The following FSTL5 variants were observed in gnomAD, a reference collection of about 807,000 sequenced individuals.
FSTL5 encodes follistatin like 5, also known as follistatin-related protein 5.
In FSTL5, 62 loss-of-function variants were observed where a neutral mutation model predicts 89.1. The ratio of observed to expected loss-of-function variants is 0.70; its 90% CI spans 0.57 to 0.86. The LOEUF (loss-of-function observed/expected upper bound fraction) is 0.86, where lower values mean the gene tolerates loss of function less well. FSTL5 is among the 40% of genes least tolerant of loss of function. The probability of loss-of-function intolerance (pLI) is 0.00; values close to 1 mark genes in which losing one functional copy is unlikely to be tolerated. For missense variants in FSTL5, 1,057 were observed against 1,001.6 expected (o/e 1.06, Z -0.75); for synonymous variants, 383 against 346.2 (o/e 1.11, Z -1.18).
At chr4:161,667,587 T>C (rs1579006947) in intron 6 of FSTL5, among the ~76,000 whole-genome samples, 1 of 152,222 alleles carries the variant, frequency 6.6e-6, no homozygotes, top group South Asian at 2.1e-4. Flanking sequence ...TTGTAGGACA[T>C]AGGTAAAAGA....
intron 7 of FSTL5, among the ~76,000 whole-genome samples, chr4:161,627,856 G>T (rs1735367460): frequency 6.6e-6 from 1 of 151,974 alleles, no homozygotes; most frequent in South Asian, 2.1e-4. Flanking sequence ...TTATTAAGAA[G>T]AATTTTGATA....
At chr4:161,834,140 G>T (rs1011855058) in intron 4 of FSTL5, among the ~76,000 whole-genome samples, 1 of 152,010 alleles carries the variant, frequency 6.6e-6, no homozygotes, top group African/African-American at 2.4e-5. Context: ...ATGCAAGGCT[G>T]GTTCAATATA....
intron 6 of FSTL5, among the ~76,000 whole-genome samples, chr4:161,699,482 C>T (rs763018118): frequency 6.6e-6 from 1 of 152,110 alleles, no homozygotes; most frequent in African/African-American, 2.4e-5. Context: ...TTTCTAGAGA[C>T]CACTGTGTTT....
At chr4:161,943,067 C>T (rs72693203) in intron 3 of FSTL5, among the ~76,000 whole-genome samples, 14,252 of 151,838 alleles carry the variant, frequency 0.094, 739 homozygotes, top group East Asian at 0.2. Flanking sequence ...TTAAGAAAAC[C>T]ATCCCATTTA....
At chr4:161,633,919 GT>G in intron 7 of FSTL5, among the ~76,000 whole-genome samples, 1 of 152,132 alleles carries the variant, frequency 6.6e-6, no homozygotes, top group Non-Finnish European at 1.5e-5. Context: ...AAGTAAGTTT[GT>G]TATGTTAAAC....
At chr4:161,805,173 C>A (rs17041581) in intron 4 of FSTL5, among the ~76,000 whole-genome samples, 1,818 of 152,140 alleles carry the variant, frequency 0.012, 35 homozygotes, top group African/African-American at 0.042. Context: ...GAGGGCATTC[C>A]TGATATAATT....
intron 2 of FSTL5, among the ~76,000 whole-genome samples, chr4:162,049,612 A>G (rs1738315925): frequency 6.6e-6 from 1 of 152,134 alleles, no homozygotes; most frequent in Admixed American, 6.6e-5. Context: ...TTTCTCTTGA[A>G]TTAAGTTAGG....
intron 6 of FSTL5, among the ~76,000 whole-genome samples, chr4:161,753,613 C>T (rs1013386794): frequency 7.2e-5 from 11 of 152,120 alleles, no homozygotes; most frequent in Non-Finnish European, 1.6e-4. Flanking sequence ...TCTATGAATG[C>T]TAATGTAATA....
chr4:161,483,656 C>T (rs868459716), intron 12 of FSTL5, among the ~76,000 whole-genome samples: 5 of 152,082 alleles, frequency 3.3e-5, no homozygotes, highest in South Asian at 2.1e-4. Flanking sequence ...TACAATAGCA[C>T]TCTTTTATTT....
intron 15 of FSTL5, among the ~76,000 whole-genome samples, chr4:161,453,847 G>C (rs182774845): frequency 2.5e-3 from 381 of 152,220 alleles, no homozygotes; most frequent in Non-Finnish European, 4.2e-3. Flanking sequence ...CTCTGCCTTA[G>C]CCTCCCACAA....
At chr4:161,678,291 T>C (rs1007200191) in intron 6 of FSTL5, among the ~76,000 whole-genome samples, 2 of 151,706 alleles carry the variant, frequency 1.3e-5, no homozygotes, top group Non-Finnish European at 3.0e-5. Flanking sequence ...TAGAAAACAA[T>C]TAAATTAATT....
At chr4:161,812,444 T>C (rs1180046768) in intron 4 of FSTL5, among the ~76,000 whole-genome samples, 1 of 152,134 alleles carries the variant, frequency 6.6e-6, no homozygotes, top group East Asian at 1.9e-4. Context: ...ATCTCTGCCA[T>C]TGTTCAGTTG....
chr4:161,789,689 C>T (rs1427905919), intron 4 of FSTL5, among the ~76,000 whole-genome samples: 1 of 152,106 alleles, frequency 6.6e-6, no homozygotes, highest in African/African-American at 2.4e-5. Context: ...ACATGATAGT[C>T]ATGATTTTAC....
intron 4 of FSTL5, among the ~76,000 whole-genome samples, chr4:161,874,723 C>A (rs967386725): frequency 6.6e-6 from 1 of 151,922 alleles, no homozygotes; most frequent in African/African-American, 2.4e-5. Flanking sequence ...GCCATTTAAC[C>A]TTTTCATTAA....
At chr4:161,462,047 A>C (rs1733601886) in intron 13 of FSTL5, among the ~76,000 whole-genome samples, 1 of 152,216 alleles carries the variant, frequency 6.6e-6, no homozygotes, top group African/African-American at 2.4e-5. Flanking sequence ...CAGCTCTCAC[A>C]AATTGCTTTT....
rs1317322218 is a variant in FSTL5 at position 161,922,635 on chromosome 4, C to T, written c.161-1983G>A. Among the ~76,000 whole-genome samples, 5 of 151,946 alleles carry T rather than the reference C, an allele frequency of 3.3e-5. No homozygotes were observed. In the East Asian group the frequency reaches 9.7e-4, roughly 29 times the overall value. On this transcript the variant is annotated intron_variant, in intron 3 of 15. Coordinates refer to ENST00000306100, the MANE Select transcript of FSTL5 (RefSeq NM_020116.5). ...ATGGTGATATTTCTGCTTCCAGGAT[C>T]AAACTTTAGGGCACTGACTTACTGA...
At chr4:161,979,925 A>C (rs1019294377) in intron 3 of FSTL5, among the ~76,000 whole-genome samples, 32 of 152,128 alleles carry the variant, frequency 2.1e-4, no homozygotes, top group African/African-American at 6.5e-4. Context: ...AGGAATGTAT[A>C]TAATGATTTA....
At position 161,493,724 on chromosome 4, in the gene FSTL5, C is replaced by T. The variant is rs554793998; in HGVS notation, c.1458+6292G>A. 2.2e-3 allele frequency among the ~76,000 whole-genome samples: 338 copies of T among 152,050 alleles called. 1 individual carries two copies. Among genetic ancestry groups the T allele is most frequent in the Non-Finnish European group, 3.7e-3 (251 of 67,954 alleles). On this transcript the variant is annotated intron_variant, in intron 12 of 15. Coordinates refer to ENST00000306100, the MANE Select transcript of FSTL5 (RefSeq NM_020116.5). The stretch of plus-strand genomic sequence containing the variant: ...TAAACACGTTTATTTGTAAAGCGTG[C>T]GGAATGCACTTTTACATGTGTATAA...
chr4:162,138,232 T>A (rs1339233120), intron 1 of FSTL5, among the ~76,000 whole-genome samples: 1 of 152,160 alleles, frequency 6.6e-6, no homozygotes, highest in Admixed American at 6.5e-5. Context: ...CTATTCTGAA[T>A]TTGAAGCAGT....
Sources: allele counts gnomAD v4.1 joint callset (sites outside exome capture counted in the v4.1 genomes callset), GRCh38; gene constraint gnomAD v4.1.1; transcripts MANE v1.5; gene names NCBI Gene and HGNC (gene_info 2026-07-23, HGNC 2026-07-21).